The following WFS1 variants were observed in gnomAD, a reference collection of about 807,000 sequenced individuals.
The protein encoded by WFS1 is wolframin.
Under a neutral mutation model 68.5 loss-of-function variants are expected in WFS1, and 90 were observed. That is an observed-to-expected ratio of 1.31 (90% CI 1.11 to 1.56). The LOEUF is 1.56. Among genes scored for constraint, WFS1 ranks in the 40% most tolerant of loss-of-function variants. The probability of loss-of-function intolerance (pLI) is 0.00; values close to 1 mark genes in which losing one functional copy is unlikely to be tolerated. For synonymous variants in WFS1, 860 were observed against 540.7 expected (o/e 1.59, Z -8.19); for missense variants, 1,767 against 1,232.6 (o/e 1.43, Z -6.49).
intron 6 of WFS1, among the ~76,000 whole-genome samples, chr4:6,294,328 G>A (rs926845513): frequency 1.4e-4 from 22 of 152,080 alleles, no homozygotes; most frequent in Admixed American, 1.3e-3. Flanking sequence ...CGCGGATCAC[G>A]TTGGATGGAG....
At chr4:6,291,397 T>C (rs758061943) in intron 5 of WFS1, 30 bp downstream of exon 5, 1 of 1,608,388 alleles carries the variant, frequency 6.2e-7, no homozygotes, top group Non-Finnish European at 8.5e-7. Flanking sequence ...GCACCAGCCT[T>C]CCCTGGGCGC....
chr4:6,298,066 G>A (rs1730684971), intron 7 of WFS1, among the ~76,000 whole-genome samples: 1 of 152,250 alleles, frequency 6.6e-6, no homozygotes, highest in African/African-American at 2.4e-5. Flanking sequence ...AGTAAGACAG[G>A]ATTTCAGATT....
chr4:6,290,899 T>C (rs1288224790), intron 4 of WFS1, among the ~76,000 whole-genome samples: 1 of 152,082 alleles, frequency 6.6e-6, no homozygotes, highest in African/African-American at 2.4e-5. Context: ...GGCCTGTGCC[T>C]CCGGGTCTGC....
chr4:6,291,439 T>C (rs1179274592), intron 5 of WFS1, 72 bp downstream of exon 5: 4 of 1,567,670 alleles, frequency 2.6e-6, no homozygotes, highest in Non-Finnish European at 3.5e-6. Context: ...GACCTTCCCA[T>C]AGGGGCTGGG....
At chr4:6,279,117 A>C (rs1468001876) in intron 2 of WFS1, among the ~76,000 whole-genome samples, 2 of 152,132 alleles carry the variant, frequency 1.3e-5, no homozygotes, top group African/African-American at 2.4e-5. Flanking sequence ...CTGGTCACTG[A>C]TGTGGCCAAA....
chr4:6,292,498 G>A (rs927684351), intron 6 of WFS1, among the ~76,000 whole-genome samples: 1 of 152,036 alleles, frequency 6.6e-6, no homozygotes, highest in African/African-American at 2.4e-5. Context: ...CTAGGTTGGG[G>A]GATAGAGTCT....
At chr4:6,292,559 T>C (rs372668164) in intron 6 of WFS1, among the ~76,000 whole-genome samples, 17 of 152,188 alleles carry the variant, frequency 1.1e-4, no homozygotes, top group African/African-American at 4.1e-4. Flanking sequence ...GGTCAAAGAC[T>C]GAGAAGAGAC....
intron 7 of WFS1, among the ~76,000 whole-genome samples, chr4:6,298,940 T>C (rs1730738239): frequency 6.6e-6 from 1 of 152,218 alleles, no homozygotes; most frequent in Admixed American, 6.5e-5. Context: ...CCTGGATGTG[T>C]CATGTAGCCC....
intron 2 of WFS1, among the ~76,000 whole-genome samples, chr4:6,282,091 C>T (rs1052216636): frequency 4.6e-5 from 7 of 152,218 alleles, no homozygotes; most frequent in Admixed American, 3.3e-4. Flanking sequence ...TTGGTGCCCT[C>T]GGCTACGCAG....
At chr4:6,291,085 C>T in intron 4 of WFS1, 112 bp from the exon 5 acceptor site, 1 of 1,249,394 alleles carries the variant, frequency 8.0e-7, no homozygotes, top group South Asian at 1.3e-5. Context: ...CAAGTCCTGA[C>T]ACCTTCTATG....
Position 6,301,293 on chromosome 4 carries a change from AACG to A in WFS1, c.1499_1501del (p.Asn500_Val501delinsIle), listed in dbSNP as rs755449408. ...GCCTGTCGGCCACCTGGTCGTCCTC[AACG>A]TCAGCGTCCCGTGCCTGCTCTATGT... On this transcript the variant is annotated inframe_deletion, in exon 8 of 8. Coordinates refer to ENST00000226760, the MANE Select transcript of WFS1 (RefSeq NM_006005.3). The A allele has an allele frequency of 6.2e-7, 1 of 1,611,546 alleles. No homozygotes were observed. Among genetic ancestry groups the A allele is most frequent in the Non-Finnish European group, 8.5e-7 (1 of 1,179,996 alleles).
At chr4:6,298,323 A>G (rs1056395626) in intron 7 of WFS1, among the ~76,000 whole-genome samples, 1 of 152,188 alleles carries the variant, frequency 6.6e-6, no homozygotes, top group Non-Finnish European at 1.5e-5. Context: ...GTTTTCATAA[A>G]TGCCCTCTGG....
In WFS1 at chr4:6,301,136, G is replaced by A; in HGVS notation, c.1341G>A (p.Leu447=). The A allele has an allele frequency of 6.2e-7, 1 of 1,613,252 alleles. No homozygotes were observed. Among genetic ancestry groups the A allele is most frequent in the Non-Finnish European group, 8.5e-7 (1 of 1,180,004 alleles). The part of the protein sequence containing the change: ...GFFTVTSYLS[L]STHAEPYTRR... ...TTACCGTGACCAGCTACCTGAGCCT[G>A]AGCACCCATGCAGAGCCCTACACGC... Residue 447 remains leucine, a synonymous_variant, in exon 8 of 8, where the codon CTG becomes CTA. Coordinates refer to ENST00000226760, the MANE Select transcript of WFS1 (RefSeq NM_006005.3).
rs71530908 is a variant in WFS1, at chr4:6,301,979, C to T, written c.2184C>T (p.Gly728=). 3.2e-3 allele frequency: 5,173 copies of T among 1,612,718 alleles called. 154 individuals carry two copies. The South Asian group carries it at 0.045, about 14-fold the overall frequency. Residue 728 remains glycine (G), a synonymous_variant, in exon 8 of 8, where the codon GGC becomes GGT. Transcript: ENST00000226760. Reference sequence around the variant, plus strand: ...TCAACATGCTCCCGTTCTTCATCGGCGACTGGATGCGCTGCCTCTACGGCG... The same window carrying T: ...TCAACATGCTCCCGTTCTTCATCGGTGACTGGATGCGCTGCCTCTACGGCG... ...SAINMLPFFI[G]DWMRCLYGEA... is the part of the protein sequence containing the mutation.
chr4:6,300,639 G>C lies in WFS1; in HGVS notation c.862-18G>C, dbSNP rs763167503. The C allele has an allele frequency of 5.0e-6, 8 of 1,613,580 alleles. No homozygotes were observed. Among genetic ancestry groups the C allele is most frequent in the Non-Finnish European group, 6.8e-6 (8 of 1,179,866 alleles). On this transcript the variant is annotated intron_variant, in intron 7 of 7. Coordinates refer to ENST00000226760, the MANE Select transcript of WFS1 (RefSeq NM_006005.3). ...GGTCCTGTCCCAGCCTCGTTCCCAC[G>C]TACCATCTTTCCCCCAGGTGGTCAA...
In WFS1 at chr4:6,301,564, C is replaced by T. The variant is rs760280308; in HGVS notation, c.1769C>T (p.Thr590Met). ...VGVLQFARWF[T>M]SLELTKIAVT... is the part of the protein sequence containing the mutation. ...GTGCTGCAGTTCGCCCGGTGGTTCA[C>T]GTCTCTGGAGCTCACCAAGATCGCA... Residue 590 changes from threonine (T) to methionine (M), a missense_variant, in exon 8 of 8, where the codon ACG becomes ATG. Thr to Met is a moderately conservative substitution (Grantham distance 81). Coordinates refer to ENST00000226760, the MANE Select transcript of WFS1 (RefSeq NM_006005.3). 3.7e-5 allele frequency: 60 copies of T among 1,614,012 alleles called. No individual in the cohort carries two copies. Among genetic ancestry groups the T allele is most frequent in the East Asian group, 8.9e-5 (4 of 44,886 alleles).
intron 7 of WFS1, among the ~76,000 whole-genome samples, chr4:6,299,366 C>T (rs1479131443): frequency 2.6e-5 from 4 of 151,770 alleles, no homozygotes; most frequent in East Asian, 1.9e-4. Flanking sequence ...ACCCACAGGT[C>T]GGGGGAAGGC....
intron 3 of WFS1, among the ~76,000 whole-genome samples, chr4:6,288,312 G>A (rs1338645049): frequency 6.6e-6 from 1 of 152,178 alleles, no homozygotes; most frequent in Non-Finnish European, 1.5e-5. Context: ...TTGGAGGCGG[G>A]GGGAGCATAG....
intron 2 of WFS1, among the ~76,000 whole-genome samples, chr4:6,284,126 T>G (rs894387474): frequency 1.3e-5 from 2 of 152,202 alleles, no homozygotes; most frequent in African/African-American, 4.8e-5. Flanking sequence ...ATCCCAGCAC[T>G]TTGGGAGGCT....
Sources: gnomAD v4.1 joint callset for allele counts (sites outside exome capture counted in the v4.1 genomes callset) on GRCh38, gnomAD v4.1.1 for gene constraint, MANE v1.5 for transcripts, NCBI Gene and HGNC (gene_info 2026-07-23, HGNC 2026-07-21) for gene names.